The following CDH18 variants were observed in gnomAD, a reference collection of about 807,000 sequenced individuals.
CDH18 encodes cadherin 18, also known as cadherin-18.
In CDH18, 31 loss-of-function variants were observed where a neutral mutation model predicts 67.9. That is an observed-to-expected ratio of 0.46 (90% CI 0.34 to 0.62). CDH18 has a LOEUF of 0.62. Ranked by LOEUF, CDH18 falls within the 20% of genes least tolerant of loss-of-function variation. The pLI, the probability that CDH18 is intolerant of heterozygous loss-of-function variation, is 0.01. For synonymous variants in CDH18, 362 were observed against 347.2 expected (o/e 1.04, Z -0.48); for missense variants, 890 against 975.5 (o/e 0.91, Z 1.17).
At chr5:19,594,841 C>T (rs1380247107) in intron 6 of CDH18, among the ~76,000 whole-genome samples, 1 of 152,044 alleles carries the variant, frequency 6.6e-6, no homozygotes, top group African/African-American at 2.4e-5. Context: ...ACATTATATA[C>T]ATAAAAGCTT....
intron 1 of CDH18, among the ~76,000 whole-genome samples, chr5:20,549,121 A>G (rs1430650453): frequency 6.6e-6 from 1 of 152,202 alleles, no homozygotes; most frequent in African/African-American, 2.4e-5. Flanking sequence ...GAAACAGTTT[A>G]TGTAAAATAC....
chr5:20,513,872 A>G (rs936855785), intron 1 of CDH18, among the ~76,000 whole-genome samples: 5 of 152,296 alleles, frequency 3.3e-5, no homozygotes, highest in East Asian at 3.9e-4. Flanking sequence ...TAGCAAATAA[A>G]TGGAATTCAA....
intron 1 of CDH18, among the ~76,000 whole-genome samples, chr5:20,396,682 C>A (rs1362950245): frequency 6.6e-6 from 1 of 152,006 alleles, no homozygotes; most frequent in African/African-American, 2.4e-5. Context: ...TGTTAAACAT[C>A]ATTTAGATGC....
Position 19,827,540 on chromosome 5 carries a change from C to A in CDH18, c.228+11219G>T, listed in dbSNP as rs574577543. Among the ~76,000 whole-genome samples, 4 of 152,152 alleles carry A rather than the reference C, an allele frequency of 2.6e-5. No homozygotes were observed. In the East Asian group the frequency reaches 7.7e-4, roughly 29 times the overall value. On this transcript the variant is annotated intron_variant, in intron 3 of 12. Coordinates refer to ENST00000382275, the MANE Select transcript of CDH18 (RefSeq NM_004934.5). ...GAATGCTGAAATCATACCAAACATA[C>A]TCTTGGACCATTGCACAATAAAAAT...
intron 1 of CDH18, among the ~76,000 whole-genome samples, chr5:20,279,699 C>CAA (rs1189257278): frequency 0.014 from 196 of 13,576 alleles, 30 homozygotes; most frequent in African/African-American, 0.042. Context: ...AGCTCTGTCT[C>CAA]AAAAAAAAAA....
At chr5:20,464,827 C>G (rs1237612944) in intron 1 of CDH18, among the ~76,000 whole-genome samples, 1 of 152,036 alleles carries the variant, frequency 6.6e-6, no homozygotes, top group Non-Finnish European at 1.5e-5. Flanking sequence ...TGGGAAATAG[C>G]TGTGTTACTA....
At chr5:19,803,840 G>C (rs1205211482) in intron 3 of CDH18, 1 of 152,182 alleles carries the variant, frequency 6.6e-6, no homozygotes, top group East Asian at 1.9e-4. Flanking sequence ...ATAAATCCTA[G>C]GCCGGGCGCG....
At position 20,292,900 on chromosome 5, in the gene CDH18, A is replaced by G. The variant is rs116733905; in HGVS notation, c.-579-37395T>C. ...CCTGCTGACTTCATCATAACTTGAT[A>G]TAACTGCAGATACCTTATTTCCAAA... On this transcript the variant is annotated intron_variant, in intron 1 of 14. Transcript: ENST00000507958. Among the ~76,000 whole-genome samples the G allele has an allele frequency of 1.0e-3, 156 of 152,354 alleles. 1 individual carries two copies. The highest frequency in any genetic ancestry group is 3.6e-3 in the African/African-American group (150 of 41,584).
At chr5:19,653,394 T>C (rs1755859296) in intron 5 of CDH18, among the ~76,000 whole-genome samples, 1 of 151,898 alleles carries the variant, frequency 6.6e-6, no homozygotes, top group South Asian at 2.1e-4. Flanking sequence ...CAGTCAAACA[T>C]GGCCGAGTTC....
chr5:19,685,977 C>G (rs1160569505), intron 5 of CDH18, among the ~76,000 whole-genome samples: 3 of 152,006 alleles, frequency 2.0e-5, no homozygotes, highest in African/African-American at 4.8e-5. Context: ...TTTACATGTG[C>G]CAGAAAGAAG....
At chr5:19,697,343 C>G (rs777230762) in intron 5 of CDH18, among the ~76,000 whole-genome samples, 2 of 152,032 alleles carry the variant, frequency 1.3e-5, no homozygotes, top group African/African-American at 4.8e-5. Flanking sequence ...TTTAATATAG[C>G]TCATATAAAT....
At chr5:19,970,829 TA>T (rs1167206144) in intron 2 of CDH18, among the ~76,000 whole-genome samples, 2 of 151,044 alleles carry the variant, frequency 1.3e-5, no homozygotes, top group African/African-American at 2.4e-5. Context: ...ATAAAGAAGA[TA>T]GAAAAAAATA....
intron 1 of CDH18, among the ~76,000 whole-genome samples, chr5:20,510,343 C>A (rs765768603): frequency 2.0e-5 from 3 of 152,096 alleles, no homozygotes; most frequent in Non-Finnish European, 4.4e-5. Context: ...GTCTGTGAGG[C>A]GCCCCTTCCT....
intron 1 of CDH18, among the ~76,000 whole-genome samples, chr5:20,395,404 G>T: frequency 6.6e-6 from 1 of 152,060 alleles, no homozygotes; most frequent in Non-Finnish European, 1.5e-5. Context: ...GTACTCAAAG[G>T]CCTGCAGAGT....
chr5:20,501,601 T>TATA lies in CDH18; in HGVS notation c.-580+73858_-580+73860dup, dbSNP rs1288886563. ...ATATATTATATATATATATTATATA[T>TATA]ATATATATATATATGGAGATGGAGT... On this transcript the variant is annotated intron_variant, in intron 1 of 14. Transcript: ENST00000507958. Among the ~76,000 whole-genome samples the TATA allele has an allele frequency of 5.5e-3, 425 of 77,162 alleles. 6 individuals carry two copies. The highest frequency in any genetic ancestry group is 8.7e-3 in the Non-Finnish European group (337 of 38,896). 50.6% of individuals were successfully genotyped at this position (77,162 alleles called of 152,430 possible). A position where few individuals can be genotyped will look rare whatever the true frequency, so the allele number is the denominator to read the frequency against.
chr5:19,482,696 A>G (rs1365887591), intron 12 of CDH18, among the ~76,000 whole-genome samples: 1 of 152,184 alleles, frequency 6.6e-6, no homozygotes, highest in African/African-American at 2.4e-5. Flanking sequence ...TGCCTAGTGT[A>G]GTCAAGCAAA....
intron 5 of CDH18, among the ~76,000 whole-genome samples, chr5:19,714,659 A>C (rs1426754110): frequency 2.0e-5 from 3 of 152,200 alleles, no homozygotes; most frequent in African/African-American, 7.2e-5. Flanking sequence ...ATGTTTCTAC[A>C]GTAAGTTCTC....
intron 1 of CDH18, among the ~76,000 whole-genome samples, chr5:20,528,577 T>C (rs373378138): frequency 2.0e-5 from 3 of 152,110 alleles, no homozygotes; most frequent in African/African-American, 7.2e-5. Context: ...GCAATCAAAT[T>C]AGGACTCAAG....
intron 2 of CDH18, among the ~76,000 whole-genome samples, chr5:20,063,746 C>T (rs557215004): frequency 6.6e-6 from 1 of 152,242 alleles, no homozygotes; most frequent in East Asian, 1.9e-4. Flanking sequence ...TTCAACAAGA[C>T]CTAGACATTC....
Sources: gnomAD v4.1 joint callset for allele counts (sites outside exome capture counted in the v4.1 genomes callset) on GRCh38, gnomAD v4.1.1 for gene constraint, MANE v1.5 for transcripts, NCBI Gene and HGNC (gene_info 2026-07-23, HGNC 2026-07-21) for gene names.